The following AFAP1 variants were observed in gnomAD, a reference collection of about 807,000 sequenced individuals.
AFAP1 encodes the protein actin filament associated protein 1, also known as actin filament-associated protein 1.
A neutral mutation model predicts 93.9 loss-of-function variants in AFAP1; 75 were observed. The ratio of observed to expected loss-of-function variants is 0.80; its 90% CI spans 0.66 to 0.97. The LOEUF (loss-of-function observed/expected upper bound fraction) is 0.97, where lower values mean the gene tolerates loss of function less well. Among genes scored for constraint, AFAP1 ranks in the 50% least tolerant of loss-of-function variants. The pLI, the probability that AFAP1 is intolerant of heterozygous loss-of-function variation, is 0.00. For synonymous variants in AFAP1, 517 were observed against 430.7 expected, an observed-to-expected ratio of 1.20 and a Z score of -2.48; for missense variants, 1,201 against 1,050.8, an observed-to-expected ratio of 1.14 and a Z score of -1.98.
rs1291910034 is a variant in AFAP1 at position 7,780,621 on chromosome 4, G to A, written c.1782+755C>T. 2.0e-5 allele frequency among the ~76,000 whole-genome samples: 3 copies of A among 151,800 alleles called. No individual in the cohort carries two copies. In the East Asian group the frequency reaches 5.8e-4, roughly 29 times the overall value. ...TGAGCCCACAGTTCAAGTCCTGCCT[G>A]GGCAACATAGTGAGACTTCATCTTT... On this transcript the variant is annotated intron_variant, in intron 13 of 17. Transcript: ENST00000420658.
chr4:7,772,585 A>G (rs1715585553), intron 16 of AFAP1: 1 of 534,850 alleles, frequency 1.9e-6, no homozygotes, highest in African/African-American at 1.9e-5. Flanking sequence ...AAAGACACAG[A>G]CTCAGCATTT....
chr4:7,823,242 A>G (rs533280556), intron 6 of AFAP1, among the ~76,000 whole-genome samples: 111 of 152,224 alleles, frequency 7.3e-4, no homozygotes, highest in African/African-American at 2.5e-3. Flanking sequence ...AACAGCAACC[A>G]AAAGTTTGAT....
intron 3 of AFAP1, among the ~76,000 whole-genome samples, chr4:7,855,877 A>G (rs970822056): frequency 6.6e-6 from 1 of 152,194 alleles, no homozygotes; most frequent in Non-Finnish European, 1.5e-5. Flanking sequence ...TCCCCCACGC[A>G]GGACTGGGCC....
chr4:7,931,242 G>C (rs1016430559), intron 1 of AFAP1, among the ~76,000 whole-genome samples: 1 of 152,174 alleles, frequency 6.6e-6, no homozygotes, highest in African/African-American at 2.4e-5. Flanking sequence ...AAAAGGGTAA[G>C]GTAGGGAATT....
chr4:7,832,582 G>A (rs1318961683), intron 6 of AFAP1, among the ~76,000 whole-genome samples: 1 of 151,610 alleles, frequency 6.6e-6, no homozygotes, highest in African/African-American at 2.4e-5. Context: ...GGTGGGTTGG[G>A]CCAATCTTCC....
At chr4:7,895,650 CA>C (rs1718720263) in intron 1 of AFAP1, among the ~76,000 whole-genome samples, 1 of 152,076 alleles carries the variant, frequency 6.6e-6, no homozygotes, top group Non-Finnish European at 1.5e-5. Flanking sequence ...TATCATTTTA[CA>C]GGTGAGAAAA....
At chr4:7,932,760 G>C (rs112539624) in intron 1 of AFAP1, among the ~76,000 whole-genome samples, 3,755 of 152,130 alleles carry the variant, frequency 0.025, 146 homozygotes, top group African/African-American at 0.084. Context: ...AGTGGCTCAC[G>C]CCTGTAATTC....
chr4:7,862,654 A>T (rs1204526110), intron 3 of AFAP1, among the ~76,000 whole-genome samples: 1 of 152,250 alleles, frequency 6.6e-6, no homozygotes, highest in African/African-American at 2.4e-5. Flanking sequence ...TGGCATAAAA[A>T]GGCATCACAT....
chr4:7,778,986 T>C, intron 13 of AFAP1, 110 bp from the exon 14 acceptor site: 1 of 799,992 alleles, frequency 1.3e-6, no homozygotes, highest in Non-Finnish European at 2.0e-6. Context: ...TTGTAGAAAC[T>C]GGCATAGATG....
intron 3 of AFAP1, among the ~76,000 whole-genome samples, chr4:7,861,237 A>G (rs1715641647): frequency 6.6e-6 from 1 of 152,190 alleles, no homozygotes; most frequent in Non-Finnish European, 1.5e-5. Context: ...TCTATCACAT[A>G]TTGGCGAAAC....
At chr4:7,768,577 C>T (rs1049406278) in intron 17 of AFAP1, among the ~76,000 whole-genome samples, 4 of 152,186 alleles carry the variant, frequency 2.6e-5, no homozygotes, top group African/African-American at 9.6e-5. Context: ...TTGCCTGCAT[C>T]TGAGATGACT....
chr4:7,774,008 C>T (rs1277945920), intron 15 of AFAP1: 1 of 152,392 alleles, frequency 6.6e-6, no homozygotes, highest in Non-Finnish European at 1.5e-5. Flanking sequence ...CGTCCCAGCC[C>T]AGGCCAGTAC....
intron 1 of AFAP1, among the ~76,000 whole-genome samples, chr4:7,881,936 G>A (rs1717875568): frequency 6.6e-6 from 1 of 152,120 alleles, no homozygotes; most frequent in Non-Finnish European, 1.5e-5. Context: ...ATATATCTCA[G>A]CATCATCATG....
intron 1 of AFAP1, among the ~76,000 whole-genome samples, chr4:7,890,004 TAAAAA>T (rs543991662): frequency 2.0e-5 from 2 of 100,338 alleles, no homozygotes; most frequent in Non-Finnish European, 3.8e-5. Context: ...CAATTTTTGT[TAAAAA>T]AAAAAAAAAA....
At chr4:7,836,328 G>C (rs934914906) in intron 6 of AFAP1, among the ~76,000 whole-genome samples, 28 of 152,228 alleles carry the variant, frequency 1.8e-4, no homozygotes, top group African/African-American at 6.5e-4. Flanking sequence ...CCCAAGTACT[G>C]TAAGAGCCAC....
At chr4:7,792,196 G>A (rs1717922185) in intron 11 of AFAP1, among the ~76,000 whole-genome samples, 2 of 152,174 alleles carry the variant, frequency 1.3e-5, no homozygotes, top group African/African-American at 2.4e-5. Context: ...GCAAGTGGTG[G>A]TCTCTTACCG....
rs759532203 is a variant in AFAP1, at chr4:7,786,182, A to T, written c.1530+12T>A. 6.2e-7 allele frequency: 1 copy of T among 1,610,212 alleles called. No homozygotes were observed. Among genetic ancestry groups the T allele is most frequent in the Non-Finnish European group, 8.5e-7 (1 of 1,177,036 alleles). Reference sequence around the variant, plus strand: ...ACAAAACCAACCATTACTCCAAAAAAAGGGCACTCACCGAGCCGTTGATGC... The same window carrying T: ...ACAAAACCAACCATTACTCCAAAAATAGGGCACTCACCGAGCCGTTGATGC... On this transcript the variant is annotated intron_variant, in intron 12 of 17. Transcript: ENST00000420658.
intron 8 of AFAP1, among the ~76,000 whole-genome samples, chr4:7,811,756 G>A (rs138780910): frequency 3.2e-4 from 48 of 152,272 alleles, no homozygotes; most frequent in Non-Finnish European, 5.1e-4. Flanking sequence ...GGCGGCACCC[G>A]GGTCTTGGAC....
At chr4:7,804,771 A>G (rs1359227388) in intron 9 of AFAP1, among the ~76,000 whole-genome samples, 1 of 152,188 alleles carries the variant, frequency 6.6e-6, no homozygotes. Flanking sequence ...AACGTTCAAC[A>G]CTTTTGAGAG....
Sources: gnomAD v4.1 joint callset for allele counts (sites outside exome capture counted in the v4.1 genomes callset) on GRCh38, gnomAD v4.1.1 for gene constraint, MANE v1.5 for transcripts, NCBI Gene and HGNC (gene_info 2026-07-23, HGNC 2026-07-21) for gene names.